AGBL4: variants seen among roughly 807,000 people sequenced by gnomAD.
AGBL4 encodes the protein AGBL carboxypeptidase 4, also known as cytosolic carboxypeptidase 6.
A neutral mutation model predicts 66.4 loss-of-function variants in AGBL4; 58 were observed. That is an observed-to-expected ratio of 0.87 (90% confidence interval 0.71 to 1.09). The LOEUF (loss-of-function observed/expected upper bound fraction) is 1.09, where lower values mean the gene tolerates loss of function less well. Ranked by LOEUF, AGBL4 falls within the 50% of genes least tolerant of loss-of-function variation. The pLI, the probability that AGBL4 is intolerant of heterozygous loss-of-function variation, is 0.00. For synonymous variants in AGBL4, 234 were observed against 222.9 expected, an observed-to-expected ratio of 1.05 and a Z score of -0.44; for missense variants, 579 against 631.0, an observed-to-expected ratio of 0.92 and a Z score of 0.88.
chr1:49,992,610 G>C (rs1660045873), intron 1 of AGBL4, among the ~76,000 whole-genome samples: 1 of 151,630 alleles, frequency 6.6e-6, no homozygotes, highest in Non-Finnish European at 1.5e-5. Flanking sequence ...CTCCATCAAA[G>C]TTCCTTCTGC....
intron 2 of AGBL4, among the ~76,000 whole-genome samples, chr1:49,754,828 G>A (rs1204856858): frequency 6.6e-6 from 1 of 152,198 alleles, no homozygotes; most frequent in East Asian, 1.9e-4. Flanking sequence ...AATCATGGAG[G>A]ACAGCAAATC....
At chr1:49,618,412 A>G (rs1645291866) in intron 3 of AGBL4, among the ~76,000 whole-genome samples, 1 of 132,392 alleles carries the variant, frequency 7.6e-6, no homozygotes, top group Non-Finnish European at 1.8e-5. Context: ...CCCAAGACTA[A>G]ACCAGGAAGA....
chr1:49,113,494 C>A (rs1645454946), intron 4 of AGBL4, among the ~76,000 whole-genome samples: 1 of 152,060 alleles, frequency 6.6e-6, no homozygotes, highest in Non-Finnish European at 1.5e-5. Context: ...CTCAGTTGAT[C>A]CACCTGCCTC....
At chr1:49,567,599 G>A in intron 3 of AGBL4, among the ~76,000 whole-genome samples, 1 of 152,114 alleles carries the variant, frequency 6.6e-6, no homozygotes, top group South Asian at 2.1e-4. Flanking sequence ...TTCAGTTCCT[G>A]GGTACATGTG....
chr1:49,418,177 T>C (rs1014841502), intron 3 of AGBL4, among the ~76,000 whole-genome samples: 11 of 152,126 alleles, frequency 7.2e-5, no homozygotes, highest in African/African-American at 2.4e-4. Flanking sequence ...TACCCCTACT[T>C]ATCTAAGCCA....
At chr1:49,116,093 T>A (rs1034297625) in intron 4 of AGBL4, among the ~76,000 whole-genome samples, 1 of 152,324 alleles carries the variant, frequency 6.6e-6, no homozygotes, top group South Asian at 2.1e-4. Flanking sequence ...GCACGAGATA[T>A]CTATGATTTT....
chr1:48,751,881 G>C lies in AGBL4; in HGVS notation c.635-88640C>G. On this transcript the variant is annotated intron_variant, in intron 6 of 13. Transcript: ENST00000371839. Reference sequence around the variant, plus strand: ...GGGGAAGGAGGGTCCTGAATTGTTCGGCCACCCTGAAATCAACTTTTAAAA... The same window carrying C: ...GGGGAAGGAGGGTCCTGAATTGTTCCGCCACCCTGAAATCAACTTTTAAAA... Among the ~76,000 whole-genome samples the C allele has an allele frequency of 2.0e-5, 3 of 152,224 alleles. No homozygotes were observed. The South Asian group carries it at 6.2e-4, about 32-fold the overall frequency.
At chr1:49,940,487 G>A (rs1654632939) in intron 1 of AGBL4, among the ~76,000 whole-genome samples, 1 of 152,240 alleles carries the variant, frequency 6.6e-6, no homozygotes, top group African/African-American at 2.4e-5. Context: ...TTAAGAAAAT[G>A]TGGCACATAT....
chr1:49,611,628 C>T (rs1244094212), intron 3 of AGBL4, among the ~76,000 whole-genome samples: 1 of 152,114 alleles, frequency 6.6e-6, no homozygotes, highest in Non-Finnish European at 1.5e-5. Context: ...CCGCCTGCCT[C>T]GGCCTCCCAA....
At chr1:49,838,076 T>C (rs1301293611) in intron 2 of AGBL4, among the ~76,000 whole-genome samples, 2 of 152,062 alleles carry the variant, frequency 1.3e-5, no homozygotes, top group South Asian at 2.1e-4. Flanking sequence ...GAATTTACTA[T>C]GGGAAACTAG....
intron 8 of AGBL4, chr1:48,647,538 T>A: frequency 2.6e-6 from 1 of 380,918 alleles, no homozygotes. Context: ...ATAAAACCAA[T>A]AAATTTATTC....
chr1:48,846,468 A>G (rs1309829607), intron 6 of AGBL4, among the ~76,000 whole-genome samples: 1 of 152,226 alleles, frequency 6.6e-6, no homozygotes. Flanking sequence ...TCAAGACACA[A>G]GTACCTCCTG....
chr1:49,358,455 C>T (rs572076085), intron 3 of AGBL4, among the ~76,000 whole-genome samples: 46 of 152,100 alleles, frequency 3.0e-4, no homozygotes, highest in African/African-American at 1.0e-3. Flanking sequence ...GTAACTCCAA[C>T]CTTCTCCCTG....
chr1:49,733,192 C>T (rs1383728131), intron 2 of AGBL4, among the ~76,000 whole-genome samples: 3 of 152,068 alleles, frequency 2.0e-5, no homozygotes, highest in Non-Finnish European at 4.4e-5. Context: ...ACCCAACTAT[C>T]CTTTTAAAAA....
Position 49,045,743 on chromosome 1 carries a change from G to GT in AGBL4, c.434dup (p.Asn145LysfsTer11). 1 of 1,551,952 alleles carries GT rather than the reference G, an allele frequency of 6.4e-7. No homozygotes were observed. Among genetic ancestry groups the GT allele is most frequent in the South Asian group, 1.2e-5 (1 of 84,068 alleles). On this transcript the variant is annotated frameshift_variant, in exon 5 of 14. Transcript: ENST00000371839. LOFTEE classifies it high-confidence loss of function. ...AACAAAAGGCAAAGGACATCACATA[G>GT]TTCTTCCTATGGTCCGGGCAGCGGT...
intron 3 of AGBL4, among the ~76,000 whole-genome samples, chr1:49,589,214 A>G (rs1434996479): frequency 6.6e-6 from 1 of 152,138 alleles, no homozygotes; most frequent in Non-Finnish European, 1.5e-5. Context: ...CTTTAAATCA[A>G]AGCATGATGT....
intron 3 of AGBL4, among the ~76,000 whole-genome samples, chr1:49,555,079 G>A (rs1452201882): frequency 2.0e-5 from 3 of 152,134 alleles, no homozygotes; most frequent in African/African-American, 7.2e-5. Flanking sequence ...TGGCTCTCTG[G>A]CAGCCTGCTT....
chr1:49,504,626 A>G (rs530886834), intron 3 of AGBL4, among the ~76,000 whole-genome samples: 3 of 152,046 alleles, frequency 2.0e-5, no homozygotes, highest in Non-Finnish European at 4.4e-5. Context: ...TTTTGAACTT[A>G]AAGTCTATTT....
chr1:49,872,264 C>G (rs1376440020), intron 1 of AGBL4, among the ~76,000 whole-genome samples: 1 of 151,918 alleles, frequency 6.6e-6, no homozygotes, highest in African/African-American at 2.4e-5. Flanking sequence ...AATTTATAAA[C>G]TATTTTGTGA....
Sources: allele counts gnomAD v4.1 joint callset (sites outside exome capture counted in the v4.1 genomes callset), GRCh38; gene constraint gnomAD v4.1.1; transcripts MANE v1.5; gene names NCBI Gene and HGNC (gene_info 2026-07-23, HGNC 2026-07-21).